Variants in ZNF536 observed in about 807,000 individuals in gnomAD.
The protein encoded by ZNF536 is zinc finger protein 536.
ZNF536 carries 13 observed loss-of-function variants against 84.5 expected under a neutral mutation model. The ratio of observed to expected loss-of-function variants is 0.15; its 90% CI spans 0.10 to 0.24. ZNF536 has a LOEUF of 0.24. ZNF536 is among the 10% of genes least tolerant of loss of function. The probability of loss-of-function intolerance (pLI) is 1.00; values close to 1 mark genes in which losing one functional copy is unlikely to be tolerated. For missense variants in ZNF536, 1,536 were observed against 1,747.5 expected (o/e 0.88, Z 2.16); for synonymous variants, 811 against 742.5 (o/e 1.09, Z -1.50).
intron 1 of ZNF536, among the ~76,000 whole-genome samples, chr19:30,405,959 G>A (rs969270775): frequency 2.6e-5 from 4 of 152,028 alleles, no homozygotes; most frequent in Admixed American, 1.3e-4. Flanking sequence ...TGTATTTTTC[G>A]TAGAGACGGG....
intron 1 of ZNF536, among the ~76,000 whole-genome samples, chr19:30,672,639 C>A (rs145066348): frequency 6.6e-6 from 1 of 152,126 alleles, no homozygotes; most frequent in African/African-American, 2.4e-5. Flanking sequence ...TGATGAGAAG[C>A]CTGGTTTAAA....
rs957542990 is a variant in ZNF536, at chr19:30,632,545, G to T, written c.170-78212G>T. ...CGCTTGAACCTGGGAGGTGGAGGTT[G>T]CAGTGAGGTGAGATCACGACATTGC... On this transcript the variant is annotated intron_variant, in intron 1 of 1. Coordinates refer to the ZNF536 transcript ENST00000592773. 2.6e-5 allele frequency among the ~76,000 whole-genome samples: 4 copies of T among 152,186 alleles called. No homozygotes were observed. In the South Asian group the frequency reaches 8.3e-4, roughly 32 times the overall value.
chr19:30,383,930 C>T (rs1378641506), intron 1 of ZNF536, among the ~76,000 whole-genome samples: 1 of 51,196 alleles, frequency 2.0e-5, no homozygotes. Context: ...CTTCCCTTCC[C>T]TTCCCTTCCC....
chr19:30,704,828 G>A (rs1191238662), intron 1 of ZNF536, among the ~76,000 whole-genome samples: 1 of 151,748 alleles, frequency 6.6e-6, no homozygotes, highest in Non-Finnish European at 1.5e-5. Context: ...TCGCGGTGTT[G>A]TTCCATGGGC....
intron 2 of ZNF536, among the ~76,000 whole-genome samples, chr19:30,504,302 C>G (rs12976970): frequency 0.023 from 3,291 of 143,512 alleles, 124 homozygotes; most frequent in African/African-American, 0.079. Context: ...CTCCTTCCTT[C>G]CTTCCTCCCT....
chr19:30,585,911 A>G (rs1254135431), intron 1 of ZNF536, among the ~76,000 whole-genome samples: 2 of 152,162 alleles, frequency 1.3e-5, no homozygotes, highest in African/African-American at 4.8e-5. Flanking sequence ...AAATATCAGT[A>G]TTTGTCACAC....
intron 2 of ZNF536, among the ~76,000 whole-genome samples, chr19:30,529,592 G>A (rs1302989359): frequency 1.3e-5 from 2 of 152,172 alleles, no homozygotes; most frequent in African/African-American, 2.4e-5. Context: ...CTATAGACTC[G>A]GAGGATAAGA....
At chr19:30,265,876 TG>T (rs1350673108) in intron 1 of ZNF536, among the ~76,000 whole-genome samples, 2 of 140,632 alleles carry the variant, frequency 1.4e-5, no homozygotes, top group Non-Finnish European at 3.2e-5. Flanking sequence ...CCCAGGTTTT[TG>T]TTTCTCTTTT....
At chr19:30,532,066 A>G (rs1238521440) in intron 2 of ZNF536, among the ~76,000 whole-genome samples, 1 of 151,970 alleles carries the variant, frequency 6.6e-6, no homozygotes, top group Non-Finnish European at 1.5e-5. Flanking sequence ...CCTCTGGAAG[A>G]AGCTTTATGG....
chr19:30,630,943 A>G (rs1201187968), intron 1 of ZNF536, among the ~76,000 whole-genome samples: 1 of 152,214 alleles, frequency 6.6e-6, no homozygotes, highest in African/African-American at 2.4e-5. Flanking sequence ...AATCCTAAAA[A>G]ATTCAGTGGA....
At position 30,313,847 on chromosome 19, in the gene ZNF536, G is replaced by A. The variant is rs73018834; in HGVS notation, c.-120+29706G>A. Among the ~76,000 whole-genome samples the A allele has an allele frequency of 8.5e-3, 1,297 of 152,348 alleles. 13 individuals are homozygous for A. The highest frequency in any genetic ancestry group is 0.015 in the Non-Finnish European group (1,050 of 68,036). On this transcript the variant is annotated intron_variant, in intron 2 of 5. Transcript: ENST00000585628. ...ACCTGAAGGCCTTCTCATGGGACCA[G>A]AGGAAGACCCTGGAAGCCTGGGCTC...
intron 1 of ZNF536, among the ~76,000 whole-genome samples, chr19:30,710,450 G>A (rs1450282201): frequency 1.3e-5 from 2 of 152,198 alleles, no homozygotes; most frequent in Non-Finnish European, 2.9e-5. Context: ...TAAGGCGGGA[G>A]GATGGCTTGA....
At chr19:30,343,667 T>C (rs763711086) in intron 2 of ZNF536, among the ~76,000 whole-genome samples, 2 of 152,204 alleles carry the variant, frequency 1.3e-5, no homozygotes, top group African/African-American at 2.4e-5. Context: ...AGAAGTCCCA[T>C]AGTTTCCACC....
chr19:30,682,228 T>C (rs1276922648), intron 1 of ZNF536, among the ~76,000 whole-genome samples: 1 of 152,080 alleles, frequency 6.6e-6, no homozygotes, highest in Non-Finnish European at 1.5e-5. Flanking sequence ...TCTGCAAGTT[T>C]TGGGTTTGCA....
At chr19:30,253,125 A>G (rs1018992815) in intron 1 of ZNF536, among the ~76,000 whole-genome samples, 2 of 152,224 alleles carry the variant, frequency 1.3e-5, no homozygotes, top group Non-Finnish European at 2.9e-5. Flanking sequence ...CTCTCAGATT[A>G]TCAGCCTCCT....
chr19:30,566,101 A>G (rs1207033415), intron 1 of ZNF536, among the ~76,000 whole-genome samples: 1 of 152,232 alleles, frequency 6.6e-6, no homozygotes, highest in African/African-American at 2.4e-5. Flanking sequence ...CAGGGCAACT[A>G]TGTAAAATCA....
At chr19:30,546,618 A>G (rs2045568596) in intron 3 of ZNF536, among the ~76,000 whole-genome samples, 1 of 152,230 alleles carries the variant, frequency 6.6e-6, no homozygotes, top group Non-Finnish European at 1.5e-5. Context: ...GACTAGACAC[A>G]GTGAAATGTC....
At chr19:30,562,541 T>G (rs2146442435), downstream of ZNF536, among the ~76,000 whole-genome samples, 1 of 152,144 alleles carries the variant, frequency 6.6e-6, no homozygotes, top group Middle Eastern at 3.4e-3. Flanking sequence ...TTATCTGACT[T>G]TTTTCTCTTT....
intron 1 of ZNF536, among the ~76,000 whole-genome samples, chr19:30,600,534 A>G (rs1394074140): frequency 6.6e-6 from 1 of 152,198 alleles, no homozygotes; most frequent in African/African-American, 2.4e-5. Context: ...GGTTCCAGGC[A>G]CTTCCTCACA....
Sources: allele counts gnomAD v4.1 joint callset (sites outside exome capture counted in the v4.1 genomes callset), GRCh38; gene constraint gnomAD v4.1.1; transcripts MANE v1.5; gene names NCBI Gene and HGNC (gene_info 2026-07-23, HGNC 2026-07-21).